Variants in GANAB observed in about 807,000 individuals in gnomAD.
GANAB encodes glucosidase II alpha subunit.
A neutral mutation model predicts 129.9 loss-of-function variants in GANAB; 35 were observed. That is an observed-to-expected ratio of 0.27 (90% CI 0.21 to 0.36). The LOEUF (loss-of-function observed/expected upper bound fraction) is 0.36, where lower values mean the gene tolerates loss of function less well. Among genes scored for constraint, GANAB ranks in the 10% least tolerant of loss-of-function variants. The pLI, the probability that GANAB is intolerant of heterozygous loss-of-function variation, is 1.00. For missense variants in GANAB, 939 were observed against 1,221.0 expected, an observed-to-expected ratio of 0.77 and a Z score of 3.44; for synonymous variants, 482 against 451.8, an observed-to-expected ratio of 1.07 and a Z score of -0.85.
rs148709730 is a variant in GANAB at position 62,630,242 on chromosome 11, C to T, written c.1548G>A (p.Thr516=). The T allele has an allele frequency of 8.5e-5, 137 of 1,613,544 alleles. No homozygotes were observed. The highest frequency in any genetic ancestry group is 1.0e-4 in the Non-Finnish European group (123 of 1,179,726). ...SAGYPDFTNP[T]MRAWWANMFS... is the part of the protein sequence containing the mutation. The stretch of plus-strand genomic sequence containing the variant: ...ACATGTTAGCCCACCAGGCCCTCAT[C>T]GTGGGATTAGTGAAGTCAGGGTAAC... Residue 516 remains threonine (T), a synonymous_variant, in exon 13 of 24, where the codon ACG becomes ACA. Coordinates refer to ENST00000356638, the MANE Select transcript of GANAB (RefSeq NM_198334.3).
In GANAB at chr11:62,646,609, A is replaced by G; in HGVS notation, c.-10T>C. The G allele has an allele frequency of 6.2e-7, 1 of 1,613,962 alleles. No homozygotes were observed. The highest frequency in any genetic ancestry group is 8.5e-7 in the Non-Finnish European group (1 of 1,179,970). On this transcript the variant is annotated 5_prime_UTR_variant, in exon 1 of 24. Transcript: ENST00000356638. ...CCGCTACCGCCGCCATCTTGTGCAG[A>G]GTTTGCTCCTTGACCCCAAACCTCC...
chr11:62,625,787 C>T lies in GANAB; in HGVS notation c.*28G>A. The stretch of plus-strand genomic sequence containing the variant: ...CTCTCAGCACTAATGCTCCCCTTCC[C>T]TCCCCCTAACCCAGAACATCCCTTG... On this transcript the variant is annotated 3_prime_UTR_variant, in exon 24 of 24. Transcript: ENST00000356638. The T allele has an allele frequency of 7.3e-7, 1 of 1,368,442 alleles. No homozygotes were observed. The allele number at this position is 1,368,442 out of a possible 1,614,324, so 84.8% of individuals were successfully genotyped here.
At position 62,629,195 on chromosome 11, in the gene GANAB, C is replaced by G. The variant is rs962665048; in HGVS notation, c.1935G>C (p.Gly645=). Residue 645 remains glycine, a splice_region_variant and synonymous_variant, in exon 16 of 24, where the codon GGG becomes GGC. Coordinates refer to ENST00000356638, the MANE Select transcript of GANAB (RefSeq NM_198334.3). ...SLGLVGLSFC[G]ADVGGFFKNP... ...ACCCCAAATTCCTCCCTGTCTTACC[C>G]CCACAGAAGGAAAGTCCCACCAGCC... 6.2e-7 allele frequency: 1 copy of G among 1,606,662 alleles called. No individual in the cohort carries two copies. The highest frequency in any genetic ancestry group is 2.2e-5 in the East Asian group (1 of 44,828).
chr11:62,625,466 G>GAT lies in GANAB; in HGVS notation c.*347_*348dup, dbSNP rs1389939670. On this transcript the variant is annotated 3_prime_UTR_variant, in exon 24 of 24. Transcript: ENST00000356638. ...CATCAACATACAAGAGGCATGAATG[G>GAT]ATAGACTCTGGGGGAGTTCAGGGCT... The GAT allele has an allele frequency of 1.0e-5, 4 of 400,576 alleles. No individual in the cohort carries two copies. Among genetic ancestry groups the GAT allele is most frequent in the African/African-American group, 8.3e-5 (4 of 48,326 alleles). The allele number at this position is 400,576 out of a possible 1,614,324, so 24.8% of individuals were successfully genotyped here.
intron 11 of GANAB, 45 bp from the exon 12 acceptor site, chr11:62,630,550 C>A (rs766151341): frequency 6.2e-7 from 1 of 1,613,442 alleles, no homozygotes; most frequent in East Asian, 2.2e-5. Flanking sequence ...TAAGGCTAAA[C>A]TATGCTTCAG....
intron 1 of GANAB, among the ~76,000 whole-genome samples, chr11:62,642,529 G>C (rs1944314069): frequency 1.3e-5 from 2 of 151,842 alleles, no homozygotes; most frequent in Non-Finnish European, 2.9e-5. Flanking sequence ...CTGCCTCCTG[G>C]GTTCAAGCGA....
Position 62,630,457 on chromosome 11 carries a change from C to T in GANAB, c.1435G>A (p.Val479Ile). ...CCCAGGTTCCGCAGCTCCTCGTGAACTCGGTAGCCGGAGTCCACCTTGATG... is the reference window on the plus strand; with the variant it reads ...CCCAGGTTCCGCAGCTCCTCGTGAATTCGGTAGCCGGAGTCCACCTTGATG... The part of the protein sequence containing the change: ...PHIKVDSGYR[V>I]HEELRNLGLY... The change falls in exon 12 of 24, where the codon GTT (valine) becomes ATT (isoleucine). Residue 479 changes from valine (V) to isoleucine (I), a missense_variant. Physicochemically the swap from Val to Ile is conservative, Grantham distance 29. Transcript: ENST00000356638. 6.2e-7 allele frequency: 1 copy of T among 1,614,206 alleles called. No homozygotes were observed. The highest frequency in any genetic ancestry group is 8.5e-7 in the Non-Finnish European group (1 of 1,180,038).
At chr11:62,635,152 G>A (rs1424496658) in intron 4 of GANAB, 152 bp from the exon 5 acceptor site, 2 of 502,580 alleles carry the variant, frequency 4.0e-6, no homozygotes, top group Non-Finnish European at 7.1e-6. Flanking sequence ...GAACCAAAGG[G>A]CCCAGAAACA....
chr11:62,640,210 C>T (rs1024236656), intron 1 of GANAB: 3 of 101,388 alleles, frequency 3.0e-5, no homozygotes, highest in African/African-American at 1.2e-4. Flanking sequence ...GCACTCCAGC[C>T]TGGGCGACAG....
intron 4 of GANAB, among the ~76,000 whole-genome samples, chr11:62,636,924 T>C (rs1943967960): frequency 6.6e-6 from 1 of 151,800 alleles, no homozygotes; most frequent in African/African-American, 2.4e-5. Context: ...AGACTCTGTC[T>C]CAAAAAATAT....
intron 23 of GANAB, 42 bp from the exon 24 acceptor site, chr11:62,625,966 C>T (rs1414361404): frequency 4.1e-6 from 6 of 1,480,462 alleles, no homozygotes; most frequent in Admixed American, 1.7e-5. Flanking sequence ...TACCAATGGG[C>T]TATAGCATAA....
intron 15 of GANAB, 79 bp downstream of exon 15, chr11:62,629,507 CAG>C (rs1943559666): frequency 3.1e-6 from 3 of 974,714 alleles, no homozygotes; most frequent in South Asian, 3.0e-5. Flanking sequence ...TCCCATTCCT[CAG>C]AGAGGCAGGT....
intron 1 of GANAB, among the ~76,000 whole-genome samples, chr11:62,641,995 G>A (rs1209702765): frequency 6.6e-6 from 1 of 151,570 alleles, no homozygotes; most frequent in Non-Finnish European, 1.5e-5. Flanking sequence ...AGGAGTTCGA[G>A]ACCAGGCTGG....
intron 1 of GANAB, among the ~76,000 whole-genome samples, chr11:62,646,054 G>A (rs1447298253): frequency 1.3e-5 from 2 of 152,232 alleles, no homozygotes; most frequent in Non-Finnish European, 2.9e-5. Context: ...CTAAGCCAGA[G>A]CTGGTGCTCA....
intron 1 of GANAB, 31 bp downstream of exon 1, chr11:62,646,531 C>T (rs1487792708): frequency 6.2e-7 from 1 of 1,611,986 alleles, no homozygotes; most frequent in Non-Finnish European, 8.5e-7. Flanking sequence ...GGGGGCGTCC[C>T]GGGCGCGCCC....
At chr11:62,641,511 G>A (rs190017943) in intron 1 of GANAB, among the ~76,000 whole-genome samples, 11 of 151,922 alleles carry the variant, frequency 7.2e-5, no homozygotes, top group East Asian at 3.9e-4. Flanking sequence ...TAGCTAAAAT[G>A]TTCTGAGCCC....
chr11:62,625,435 A>C lies in GANAB; in HGVS notation c.*380T>G. 2.5e-6 allele frequency: 1 copy of C among 396,180 alleles called. No homozygotes were observed. The highest frequency in any genetic ancestry group is 4.9e-6 in the Non-Finnish European group (1 of 202,196). 24.5% of individuals were successfully genotyped at this position (396,180 alleles called of 1,614,324 possible). On this transcript the variant is annotated 3_prime_UTR_variant, in exon 24 of 24. Transcript: ENST00000356638. ...CTCATTGCCCTCATCTTCTTCCAAG[A>C]AGTGGCATCAACATACAAGAGGCAT...
chr11:62,637,933 G>C (rs1254412682), intron 4 of GANAB, among the ~76,000 whole-genome samples: 2 of 150,782 alleles, frequency 1.3e-5, no homozygotes, highest in Non-Finnish European at 3.0e-5. Context: ...AACCCCAGAA[G>C]ACCACATGCA....
chr11:62,634,184 C>T, intron 5 of GANAB: 1 of 690,680 alleles, frequency 1.4e-6, no homozygotes, highest in Non-Finnish European at 2.6e-6. Context: ...GACCAGACAT[C>T]ACACAGCAGG....
Sources: gnomAD v4.1 joint callset for allele counts (sites outside exome capture counted in the v4.1 genomes callset) on GRCh38, gnomAD v4.1.1 for gene constraint, MANE v1.5 for transcripts, NCBI Gene and HGNC (gene_info 2026-07-23, HGNC 2026-07-21) for gene names.